The following NAV2 variants were observed in gnomAD, a reference collection of about 807,000 sequenced individuals.
NAV2 encodes neuron navigator 2, also known as helicase, APC down-regulated 1.
A neutral mutation model predicts 223.2 loss-of-function variants in NAV2; 54 were observed. The ratio of observed to expected loss-of-function variants is 0.24; its 90% CI spans 0.19 to 0.30. The LOEUF (loss-of-function observed/expected upper bound fraction) is 0.30, where lower values mean the gene tolerates loss of function less well. Ranked by LOEUF, NAV2 falls within the 10% of genes least tolerant of loss-of-function variation. NAV2 has a pLI of 1.00. For missense variants in NAV2, 2,806 were observed against 3,147.5 expected, an observed-to-expected ratio of 0.89 and a Z score of 2.60; for synonymous variants, 1,279 against 1,239.3, an observed-to-expected ratio of 1.03 and a Z score of -0.67.
chr11:19,713,883 T>C lies in NAV2; in HGVS notation c.188T>C (p.Leu63Pro). The part of the protein sequence containing the change: ...PSQIPLKSQV[L>P]QGLQEPAGEG... ...CAGATCCCCCTGAAATCGCAGGTGC[T>C]GCAGGGGCTGCAGGAGCCAGCGGGG... is the stretch of plus-strand genomic sequence containing the variant. Residue 63 changes from leucine (L) to proline (P), a missense_variant, in exon 1 of 38, where the codon CTG becomes CCG. Leu to Pro is a moderately conservative substitution (Grantham distance 98). This residue lies in a region of NAV2 where 1,167 missense variants were observed against 1,180.5 expected (regional missense o/e 0.99). Coordinates refer to ENST00000349880, the MANE Select transcript of NAV2 (RefSeq NM_145117.5). This position sits in a 1 kb window ranked among gnomAD's most constrained non-coding sequence, Gnocchi z 7.2. 1 of 1,613,612 alleles carries C rather than the reference T, an allele frequency of 6.2e-7. No individual in the cohort carries two copies. Among genetic ancestry groups the C allele is most frequent in the South Asian group, 1.1e-5 (1 of 91,082 alleles).
At chr11:20,028,856 T>C (rs2055381713) in intron 11 of NAV2, among the ~76,000 whole-genome samples, 1 of 152,204 alleles carries the variant, frequency 6.6e-6, no homozygotes, top group Admixed American at 6.5e-5. Context: ...GACACTCTAT[T>C]GTGAGTTGAG....
intron 1 of NAV2, among the ~76,000 whole-genome samples, chr11:19,391,143 T>C (rs966734492): frequency 6.6e-6 from 1 of 152,152 alleles, no homozygotes; most frequent in African/African-American, 2.4e-5. Flanking sequence ...TCACACTGCC[T>C]CCTGCTGCCC....
chr11:19,622,743 T>G (rs2047038592), intron 1 of NAV2, among the ~76,000 whole-genome samples: 1 of 152,232 alleles, frequency 6.6e-6, no homozygotes, highest in South Asian at 2.1e-4. Context: ...GTCTTTTAAT[T>G]GGAGCATTTA....
chr11:20,065,954 G>C (rs927035424), intron 20 of NAV2, among the ~76,000 whole-genome samples: 3 of 152,228 alleles, frequency 2.0e-5, no homozygotes, highest in Admixed American at 1.3e-4. Flanking sequence ...TCTGGAGCCA[G>C]ACTACTTTAG....
intron 1 of NAV2, among the ~76,000 whole-genome samples, chr11:19,614,707 A>T (rs1459750904): frequency 6.6e-6 from 1 of 152,168 alleles, no homozygotes; most frequent in Admixed American, 6.5e-5. Flanking sequence ...GGCCAGTGGC[A>T]TAGGTCATGC....
rs1380607359 is a variant in NAV2, at chr11:20,065,730, C to T, written c.4885-2456C>T. Among the ~76,000 whole-genome samples, 41 of 152,196 alleles carry T rather than the reference C, an allele frequency of 2.7e-4. 2 individuals carry two copies. Among genetic ancestry groups the T allele is most frequent in the Admixed American group, 2.6e-3 (40 of 15,278 alleles). On this transcript the variant is annotated intron_variant, in intron 20 of 37. Transcript: ENST00000349880. ...ACAGTGGCAGAGGCATGGGGAAGGGCTGTTAGGGCCTGTCGATAGAAGTGT... is the reference window on the plus strand; with the variant it reads ...ACAGTGGCAGAGGCATGGGGAAGGGTTGTTAGGGCCTGTCGATAGAAGTGT...
chr11:19,717,800 G>C (rs1477236652), intron 1 of NAV2, among the ~76,000 whole-genome samples: 2 of 152,112 alleles, frequency 1.3e-5, no homozygotes, highest in Non-Finnish European at 1.5e-5. Flanking sequence ...TTTAGCTTGG[G>C]GTTCAGAATA....
intron 6 of NAV2, among the ~76,000 whole-genome samples, chr11:19,915,324 G>A (rs2043709412): frequency 1.3e-5 from 2 of 152,178 alleles, no homozygotes; most frequent in African/African-American, 4.8e-5. Flanking sequence ...GAGGGAAATT[G>A]TAGCCAGGTA....
chr11:19,380,081 A>G, intron 1 of NAV2, among the ~76,000 whole-genome samples: 1 of 152,176 alleles, frequency 6.6e-6, no homozygotes, highest in Non-Finnish European at 1.5e-5. Context: ...CATCCCTTTT[A>G]CCTAATCTTC....
chr11:19,668,889 C>G (rs1656547926), intron 1 of NAV2, among the ~76,000 whole-genome samples: 1 of 152,176 alleles, frequency 6.6e-6, no homozygotes, highest in South Asian at 2.1e-4. Context: ...CAATAATCTC[C>G]TATTTCATGC....
At chr11:19,826,147 T>C (rs1235706834) in intron 1 of NAV2, among the ~76,000 whole-genome samples, 1 of 152,146 alleles carries the variant, frequency 6.6e-6, no homozygotes, top group Non-Finnish European at 1.5e-5. Flanking sequence ...AGAATTGGAA[T>C]TGGGGATGGG....
intron 1 of NAV2, among the ~76,000 whole-genome samples, chr11:19,384,301 T>C (rs1258320832): frequency 1.3e-5 from 2 of 152,232 alleles, no homozygotes; most frequent in Non-Finnish European, 2.9e-5. Context: ...ACATTTTCCA[T>C]GGTAAACAGA....
At chr11:19,348,049 A>C (rs548046980), upstream of NAV2, among the ~76,000 whole-genome samples, 2 of 152,328 alleles carry the variant, frequency 1.3e-5, no homozygotes, top group African/African-American at 2.4e-5. Context: ...CTAGAAAAAA[A>C]CAAAAGGCTC....
At chr11:19,852,832 T>A (rs1427881072) in intron 3 of NAV2, among the ~76,000 whole-genome samples, 3 of 152,220 alleles carry the variant, frequency 2.0e-5, no homozygotes, top group African/African-American at 7.2e-5. Flanking sequence ...AAACAATAAG[T>A]GGTCCAACAA....
At chr11:19,632,675 A>G (rs544018987) in intron 1 of NAV2, among the ~76,000 whole-genome samples, 40 of 152,302 alleles carry the variant, frequency 2.6e-4, no homozygotes, top group African/African-American at 8.7e-4. Flanking sequence ...AGTTGTTCCT[A>G]TCTCATCGGA....
At chr11:20,062,250 C>T in intron 19 of NAV2, 57 bp from the exon 20 acceptor site, 1 of 1,300,692 alleles carries the variant, frequency 7.7e-7, no homozygotes, top group Non-Finnish European at 1.1e-6. Flanking sequence ...TCCCCTGTCC[C>T]CTTTTTGGTT....
At chr11:19,547,035 G>A (rs1355892289) in intron 1 of NAV2, among the ~76,000 whole-genome samples, 1 of 152,202 alleles carries the variant, frequency 6.6e-6, no homozygotes, top group Non-Finnish European at 1.5e-5. Flanking sequence ...ATCAGAGTGG[G>A]TGCACCGGAA....
At chr11:19,563,082 A>C (rs977637439) in intron 1 of NAV2, among the ~76,000 whole-genome samples, 1 of 152,228 alleles carries the variant, frequency 6.6e-6, no homozygotes, top group African/African-American at 2.4e-5. Flanking sequence ...GCTCAGTTTG[A>C]TTGCTATGAG....
intron 1 of NAV2, among the ~76,000 whole-genome samples, chr11:19,539,472 T>A (rs1177900495): frequency 1.3e-5 from 2 of 152,244 alleles, no homozygotes; most frequent in African/African-American, 4.8e-5. Flanking sequence ...ATTCTAATTA[T>A]ATTTAATATT....
Sources: allele counts gnomAD v4.1 joint callset (sites outside exome capture counted in the v4.1 genomes callset), GRCh38; gene constraint gnomAD v4.1.1; regional missense constraint gnomAD v4.1.1; non-coding constraint Gnocchi (gnomAD v3.1); transcripts MANE v1.5; gene names NCBI Gene and HGNC (gene_info 2026-07-23, HGNC 2026-07-21).